ARHGAP28: variants seen among roughly 807,000 people sequenced by gnomAD.
The protein encoded by ARHGAP28 is Rho GTPase activating protein 28.
ARHGAP28 carries 56 observed loss-of-function variants against 90.7 expected under a neutral mutation model. The observed-to-expected ratio is 0.62, with a 90% CI of 0.50 to 0.77. The LOEUF (loss-of-function observed/expected upper bound fraction) is 0.77. ARHGAP28 is among the 30% of genes least tolerant of loss of function. The pLI, the probability that ARHGAP28 is intolerant of heterozygous loss-of-function variation, is 0.00. For synonymous variants in ARHGAP28, 308 were observed against 323.3 expected, an observed-to-expected ratio of 0.95 and a Z score of 0.51; for missense variants, 869 against 900.9, an observed-to-expected ratio of 0.96 and a Z score of 0.45.
rs1397908121 is a variant in ARHGAP28, at chr18:6,868,219, C to G, written c.796C>G (p.Gln266Glu). The G allele has an allele frequency of 6.2e-7, 1 of 1,614,082 alleles. No homozygotes were observed. The highest frequency in any genetic ancestry group is 1.7e-5 in the Admixed American group (1 of 60,022). Residue 266 changes from glutamine to glutamate, a missense_variant, in exon 6 of 18, where the codon CAG (glutamine) becomes GAG (glutamate). Coordinates refer to ENST00000383472, the MANE Select transcript of ARHGAP28 (RefSeq NM_001366230.1). The stretch of plus-strand genomic sequence containing the variant: ...ATCACCGGAGCCTGGACAGCCAGTT[C>G]AGAATGCGATAAGTGGTGAGCGGCA... ...NGSPEPGQPV[Q>E]NAISDDDFLE...
intron 1 of ARHGAP28, among the ~76,000 whole-genome samples, chr18:6,798,555 C>T (rs551402301): frequency 1.3e-5 from 2 of 152,270 alleles, no homozygotes; most frequent in African/African-American, 4.8e-5. Context: ...ATACAGCATT[C>T]ACTTTAAAAA....
At chr18:6,870,438 C>T (rs2057074462) in intron 6 of ARHGAP28, 152 bp from the exon 7 acceptor site, 1 of 711,892 alleles carries the variant, frequency 1.4e-6, no homozygotes, top group East Asian at 2.8e-5. Flanking sequence ...TAACTGAACT[C>T]CTCGGGGTGA....
intron 6 of ARHGAP28, among the ~76,000 whole-genome samples, chr18:6,869,253 CTTTTTTTTTTTTTT>C (rs61280250): frequency 4.4e-5 from 3 of 68,040 alleles, no homozygotes; most frequent in Admixed American, 1.9e-4. Flanking sequence ...TTTTGCCATT[CTTTTTTTTTTTTTT>C]TTTTTTTTTT....
At chr18:6,771,525 C>T (rs1415939578) in intron 1 of ARHGAP28, among the ~76,000 whole-genome samples, 1 of 152,176 alleles carries the variant, frequency 6.6e-6, no homozygotes. Context: ...TTATGTTCCA[C>T]ATGATCTTTT....
chr18:6,845,843 A>T (rs1201993603), intron 3 of ARHGAP28, among the ~76,000 whole-genome samples: 9 of 152,230 alleles, frequency 5.9e-5, no homozygotes, highest in African/African-American at 2.2e-4. Flanking sequence ...ATGTCATCTT[A>T]AATGTGTAGT....
At chr18:6,769,652 C>T (rs968874371) in intron 1 of ARHGAP28, among the ~76,000 whole-genome samples, 23 of 152,302 alleles carry the variant, frequency 1.5e-4, no homozygotes, top group Admixed American at 7.8e-4. Flanking sequence ...TGTGCCAAAG[C>T]CAGGATTTGC....
At chr18:6,730,060 T>G (rs1373141606) in intron 1 of ARHGAP28, 117 bp downstream of exon 1, 1 of 1,073,004 alleles carries the variant, frequency 9.3e-7, no homozygotes, top group Non-Finnish European at 1.2e-6. Context: ...TGTTTCAAGT[T>G]TTGGTGGACT....
intron 4 of ARHGAP28, among the ~76,000 whole-genome samples, chr18:6,852,117 TAATA>T (rs1264996102): frequency 1.3e-5 from 2 of 152,228 alleles, no homozygotes; most frequent in Non-Finnish European, 2.9e-5. Context: ...ATAATCTCAT[TAATA>T]GACAACATAT....
chr18:6,736,595 A>G (rs1326988196), intron 1 of ARHGAP28, among the ~76,000 whole-genome samples: 1 of 151,736 alleles, frequency 6.6e-6, no homozygotes, highest in Non-Finnish European at 1.5e-5. Flanking sequence ...AAAAAATACA[A>G]AATTAGTCGA....
At chr18:6,880,936 A>G (rs1459264504) in intron 10 of ARHGAP28, among the ~76,000 whole-genome samples, 1 of 152,164 alleles carries the variant, frequency 6.6e-6, no homozygotes, top group Non-Finnish European at 1.5e-5. Context: ...GGAGAACTTT[A>G]TATTTATGCT....
chr18:6,841,208 C>CTCCTCTCT (rs1555631529), intron 3 of ARHGAP28, among the ~76,000 whole-genome samples: 2 of 43,136 alleles, frequency 4.6e-5, no homozygotes, highest in African/African-American at 1.8e-4. Context: ...TCTCTCCTCT[C>CTCCTCTCT]CTCTCTCTCT....
chr18:6,788,462 T>G (rs11877518), intron 1 of ARHGAP28: 36,847 of 152,194 alleles, frequency 0.24, 5,883 homozygotes, highest in African/African-American at 0.45. Context: ...TTGTTTGTTT[T>G]TTTTTTGTTT....
intron 1 of ARHGAP28, among the ~76,000 whole-genome samples, chr18:6,775,520 T>C (rs1044293890): frequency 3.9e-5 from 6 of 152,162 alleles, no homozygotes; most frequent in Admixed American, 6.5e-5. Flanking sequence ...GTTTTTTGTT[T>C]GTTTGTTTTT....
chr18:6,836,442 G>A (rs909402562), intron 2 of ARHGAP28, among the ~76,000 whole-genome samples: 1 of 152,020 alleles, frequency 6.6e-6, no homozygotes, highest in African/African-American at 2.4e-5. Context: ...GCAGGGAGTC[G>A]CTCTGTGACT....
chr18:6,746,022 G>A (rs375563113), intron 1 of ARHGAP28, among the ~76,000 whole-genome samples: 8 of 152,294 alleles, frequency 5.3e-5, no homozygotes, highest in African/African-American at 1.9e-4. Context: ...AGATTGGGAT[G>A]TAAGCAAGTT....
chr18:6,837,506 T>C (rs1600229816), intron 3 of ARHGAP28, 92 bp downstream of exon 3: 1 of 931,464 alleles, frequency 1.1e-6, no homozygotes, highest in African/African-American at 1.7e-5. Flanking sequence ...ATCAGAAATG[T>C]CTGCTTGGGT....
intron 17 of ARHGAP28, among the ~76,000 whole-genome samples, chr18:6,911,635 C>T (rs759676019): frequency 6.6e-6 from 1 of 151,902 alleles, no homozygotes; most frequent in Non-Finnish European, 1.5e-5. Context: ...GGGGTTTCAC[C>T]ATGTTGTCCA....
At chr18:6,835,505 A>G (rs540565747) in intron 2 of ARHGAP28, among the ~76,000 whole-genome samples, 34 of 152,296 alleles carry the variant, frequency 2.2e-4, no homozygotes, top group African/African-American at 7.7e-4. Flanking sequence ...TGTAATACAC[A>G]TCAAAGGCTT....
intron 1 of ARHGAP28, among the ~76,000 whole-genome samples, chr18:6,746,824 A>C (rs2056026965): frequency 6.6e-6 from 1 of 152,204 alleles, no homozygotes; most frequent in Non-Finnish European, 1.5e-5. Context: ...AGAGAGAGAA[A>C]CGGATATAGG....
Sources: gnomAD v4.1 joint callset for allele counts (sites outside exome capture counted in the v4.1 genomes callset) on GRCh38, gnomAD v4.1.1 for gene constraint, MANE v1.5 for transcripts, NCBI Gene and HGNC (gene_info 2026-07-23, HGNC 2026-07-21) for gene names.